The following KMT2C variants were observed in gnomAD, a reference collection of about 807,000 sequenced individuals.
The protein encoded by KMT2C is lysine methyltransferase 2C, also known as histone-lysine N-methyltransferase 2C.
KMT2C carries 88 observed loss-of-function variants against 507.9 expected under a neutral mutation model. The observed-to-expected ratio is 0.17, with a 90% CI of 0.15 to 0.21. The LOEUF is 0.21. Ranked by LOEUF, KMT2C falls within the 10% of genes least tolerant of loss-of-function variation. KMT2C has a pLI of 1.00. For synonymous variants in KMT2C, 2,049 were observed against 2,080.8 expected (o/e 0.98, Z 0.42); for missense variants, 4,954 against 5,957.8 (o/e 0.83, Z 5.55).
chr7:152,226,229 T>TG (rs1355590950), intron 18 of KMT2C, among the ~76,000 whole-genome samples: 20 of 135,612 alleles, frequency 1.5e-4, no homozygotes. Flanking sequence ...CTTTTTTTTT[T>TG]TTTTTTTTTT....
intron 9 of KMT2C, 83 bp from the exon 10 acceptor site, chr7:152,252,798 T>C (rs2095581786): frequency 6.0e-6 from 6 of 999,962 alleles, no homozygotes; most frequent in Middle Eastern, 2.3e-4. Context: ...TAAAAAGTCA[T>C]GAATCATTTG....
At chr7:152,210,205 G>A (rs1218577829) in intron 23 of KMT2C, among the ~76,000 whole-genome samples, 2 of 152,128 alleles carry the variant, frequency 1.3e-5, no homozygotes, top group Non-Finnish European at 2.9e-5. Flanking sequence ...ACTGCAGTGG[G>A]GAACCTGAGC....
rs2090926090 is a variant in KMT2C at position 152,144,605 on chromosome 7, T to C, written c.14343+108A>G. ...TGATACGATTTTGAAAACACGTTTC[T>C]GTCCCTGCAGCTATGTGAAATCATT... is the stretch of plus-strand genomic sequence containing the variant. On this transcript the variant is annotated intron_variant, in intron 55 of 58. Transcript: ENST00000262189. The surrounding 1 kb of genome is among the most constrained non-coding windows in gnomAD (Gnocchi z 4.4). 9.2e-7 allele frequency: 1 copy of C among 1,086,800 alleles called. No homozygotes were observed. Among genetic ancestry groups the C allele is most frequent in the Non-Finnish European group, 1.4e-6 (1 of 740,242 alleles). The allele number at this position is 1,086,800 out of a possible 1,614,324, so 67.3% of individuals were successfully genotyped here.
intron 3 of KMT2C, among the ~76,000 whole-genome samples, chr7:152,323,069 T>C (rs945397477): frequency 3.9e-5 from 6 of 151,952 alleles, no homozygotes; most frequent in African/African-American, 1.4e-4. Context: ...GTCCTGTACA[T>C]TGCTGTGGGG....
Position 152,187,295 on chromosome 7 carries a change from T to C in KMT2C, c.4975A>G (p.Ile1659Val). The part of the protein sequence containing the change: ...ATVAPVLYTN[I>V]NFPNLKEEFP... ...TCTTCCTTTAAGTTGGGGAAATTAA[T>C]ATTGGTGTAGAGAACTGGGGCAACA... Residue 1659 changes from isoleucine to valine, a missense_variant, in exon 33 of 59, where the codon ATT (isoleucine) becomes GTT (valine). Physicochemically the swap from Ile to Val is conservative, Grantham distance 29 (BLOSUM62 3). Transcript: ENST00000262189. 2 of 1,614,002 alleles carry C rather than the reference T, an allele frequency of 1.2e-6. No individual in the cohort carries two copies. Among genetic ancestry groups the C allele is most frequent in the Admixed American group, 1.7e-5 (1 of 60,002 alleles).
intron 1 of KMT2C, among the ~76,000 whole-genome samples, chr7:152,373,431 ACAGCCTAACAATTCTGAAAAG>A (rs1397155990): frequency 6.6e-6 from 1 of 152,214 alleles, no homozygotes; most frequent in Non-Finnish European, 1.5e-5. Context: ...TATTGAGATA[ACAGCCTAACAATTCTGAAAAG>A]CAAGTTACAG....
intron 1 of KMT2C, among the ~76,000 whole-genome samples, chr7:152,416,849 A>G (rs1399708545): frequency 6.6e-6 from 1 of 151,494 alleles, no homozygotes; most frequent in African/African-American, 2.4e-5. Context: ...ACAGGAGTTC[A>G]AGACTAGCCT....
intron 20 of KMT2C, among the ~76,000 whole-genome samples, chr7:152,223,088 T>G (rs2094824674): frequency 6.6e-6 from 1 of 152,202 alleles, no homozygotes; most frequent in African/African-American, 2.4e-5. Context: ...AAAGCGATGT[T>G]GAATGGTAAT....
At chr7:152,380,597 G>A (rs2097365528) in intron 1 of KMT2C, among the ~76,000 whole-genome samples, 1 of 151,782 alleles carries the variant, frequency 6.6e-6, no homozygotes, top group East Asian at 1.9e-4. Flanking sequence ...AACTAGCCGG[G>A]CACAGTATTG....
chr7:152,149,426 A>C (rs2129095867), intron 51 of KMT2C, among the ~76,000 whole-genome samples: 1 of 152,370 alleles, frequency 6.6e-6, no homozygotes, highest in East Asian at 1.9e-4. Flanking sequence ...TTCTGCTCTT[A>C]CACTTTCTGG....
intron 2 of KMT2C, among the ~76,000 whole-genome samples, chr7:152,333,715 C>G (rs1481612513): frequency 6.6e-6 from 1 of 152,110 alleles, no homozygotes; most frequent in Non-Finnish European, 1.5e-5. Flanking sequence ...ATTTGTATAA[C>G]TATTCTTGGG....
At chr7:152,385,639 A>AAAAATAAAAAAAAAAT in intron 1 of KMT2C, among the ~76,000 whole-genome samples, 1 of 140,922 alleles carries the variant, frequency 7.1e-6, no homozygotes, top group Non-Finnish European at 1.5e-5. Context: ...AAAAAAAAAA[A>AAAAATAAAAAAAAAAT]AAAAAAAAAA....
At chr7:152,421,308 T>A (rs996481577) in intron 1 of KMT2C, among the ~76,000 whole-genome samples, 2 of 152,166 alleles carry the variant, frequency 1.3e-5, no homozygotes, top group Admixed American at 1.3e-4. Flanking sequence ...GAATGTTAAT[T>A]AGTTCAGCCA....
chr7:152,311,491 ACTTTAAAATTTTCCC>A (rs900769091), intron 5 of KMT2C, among the ~76,000 whole-genome samples: 3 of 152,078 alleles, frequency 2.0e-5, no homozygotes, highest in Non-Finnish European at 2.9e-5. Context: ...CCAAGTTCTC[ACTTTAAAATTTTCCC>A]CTTTAAAATT....
At chr7:152,367,382 C>T (rs763063007) in intron 1 of KMT2C, 40 of 698,224 alleles carry the variant, frequency 5.7e-5, no homozygotes, top group Non-Finnish European at 8.5e-5. Context: ...GCACCCCCGG[C>T]TGGCACCAGC....
intron 1 of KMT2C, among the ~76,000 whole-genome samples, chr7:152,424,627 T>C (rs1237577597): frequency 1.3e-5 from 2 of 152,160 alleles, no homozygotes; most frequent in Admixed American, 1.3e-4. Context: ...TCTTGCTATA[T>C]TGCCCGGGCT....
intron 23 of KMT2C, among the ~76,000 whole-genome samples, chr7:152,208,979 A>T (rs1301576788): frequency 6.6e-6 from 1 of 151,224 alleles, no homozygotes; most frequent in Non-Finnish European, 1.5e-5. Flanking sequence ...CAGCCTGACC[A>T]ACATGGTGAG....
intron 3 of KMT2C, among the ~76,000 whole-genome samples, chr7:152,324,406 TGAAAC>T (rs933681454): frequency 6.6e-6 from 1 of 151,804 alleles, no homozygotes; most frequent in African/African-American, 2.4e-5. Flanking sequence ...ATTCATGAAT[TGAAAC>T]ATCACACTGT....
intron 16 of KMT2C, 149 bp downstream of exon 16, chr7:152,235,668 C>T (rs2095255216): frequency 1.6e-6 from 1 of 616,426 alleles, no homozygotes; most frequent in Non-Finnish European, 2.9e-6. Flanking sequence ...AAAACATAAC[C>T]AGAGGCTCAA....
Sources: gnomAD v4.1 joint callset for allele counts (sites outside exome capture counted in the v4.1 genomes callset) on GRCh38, gnomAD v4.1.1 for gene constraint, Gnocchi (gnomAD v3.1) non-coding constraint, MANE v1.5 for transcripts, NCBI Gene and HGNC (gene_info 2026-07-23, HGNC 2026-07-21) for gene names.